The following SAFB variants were observed in gnomAD, a reference collection of about 807,000 sequenced individuals.
SAFB encodes the protein scaffold attachment factor B1.
SAFB carries 15 observed loss-of-function variants against 101.6 expected under a neutral mutation model. That is an observed-to-expected ratio of 0.15 (90% confidence interval 0.10 to 0.23). SAFB has a LOEUF of 0.23. Ranked by LOEUF, SAFB falls within the 10% of genes least tolerant of loss-of-function variation. The pLI is 1.00. For synonymous variants in SAFB, 449 were observed against 407.5 expected (o/e 1.10, Z -1.23); for missense variants, 930 against 1,104.1 (o/e 0.84, Z 2.23).
intron 16 of SAFB, 116 bp from the exon 17 acceptor site, chr19:5,664,281 G>A (rs570976431): frequency 1.7e-5 from 25 of 1,430,240 alleles, no homozygotes; most frequent in African/African-American, 2.8e-5. Context: ...AGTCAGACCC[G>A]CAGGTCTCCT....
chr19:5,666,902 T>C lies in SAFB; in HGVS notation c.2335-144T>C, dbSNP rs373662819. 183 of 744,100 alleles carry C rather than the reference T, an allele frequency of 2.5e-4. 1 individual carries two copies. The African/African-American group carries it at 2.9e-3, about 12-fold the overall frequency. The allele number at this position is 744,100 out of a possible 1,614,324, so 46.1% of individuals were successfully genotyped here. A position where few individuals can be genotyped will look rare whatever the true frequency, so the allele number is the denominator to read the frequency against. On this transcript the variant is annotated intron_variant, in intron 17 of 20. Coordinates refer to ENST00000588852, the MANE Select transcript of SAFB (RefSeq NM_001201338.2). Reference sequence around the variant, plus strand: ...GGCCTGCAGATTTCAGGAAGGCAGCTGTGTTGTGTGAACCGATACAGCCTG... The same window carrying C: ...GGCCTGCAGATTTCAGGAAGGCAGCCGTGTTGTGTGAACCGATACAGCCTG...
Position 5,661,594 on chromosome 19 carries a change from A to C in SAFB, c.1939A>C (p.Ile647Leu), listed in dbSNP as rs774854135. The change falls in exon 15 of 21, where the codon ATT (isoleucine) becomes CTT (leucine). Residue 647 changes from isoleucine (I) to leucine (L), a missense_variant. This residue lies in a region of SAFB where 159 missense variants were observed against 234.1 expected (regional missense o/e 0.68). Transcript: ENST00000588852. ...GCGCGAGGAGCGTGAGCGGCTGGAG[A>C]TTGCCCGAGAGAGGCTGGCCTTCCA... is the stretch of plus-strand genomic sequence containing the variant. ...WEREERERLE[I>L]ARERLAFQRQ... 2.5e-6 allele frequency: 4 copies of C among 1,612,594 alleles called. No individual in the cohort carries two copies. The highest frequency in any genetic ancestry group is 3.4e-6 in the Non-Finnish European group (4 of 1,179,816).
rs369929220 is a variant in SAFB, at chr19:5,641,712, A to G, written c.340-28A>G. On this transcript the variant is annotated intron_variant, in intron 3 of 20. Coordinates refer to ENST00000588852, the MANE Select transcript of SAFB (RefSeq NM_001201338.2). ...TGGTGGATGGACCAGTGGCGGTCAC[A>G]TGATGGTTCGGTCTGGTTGTGTCAC... 32 of 1,613,676 alleles carry G rather than the reference A, an allele frequency of 2.0e-5. No individual in the cohort carries two copies. In the African/African-American group the frequency reaches 3.9e-4, roughly 19 times the overall value.
intron 2 of SAFB, among the ~76,000 whole-genome samples, chr19:5,630,241 T>G (rs554805046): frequency 6.6e-6 from 1 of 152,218 alleles, no homozygotes; most frequent in African/African-American, 2.4e-5. Flanking sequence ...CTTCACAGAT[T>G]ATACTCTTCT....
intron 2 of SAFB, among the ~76,000 whole-genome samples, chr19:5,628,811 A>C (rs758912298): frequency 6.6e-6 from 1 of 152,252 alleles, no homozygotes; most frequent in Non-Finnish European, 1.5e-5. Flanking sequence ...CAAGGCAAAG[A>C]GTCCTGGAAA....
rs761264696 is a variant in SAFB, at chr19:5,667,138, G to A, written c.2427G>A (p.Glu809=). The change falls in exon 18 of 21, where the codon GAG becomes GAA. Residue 809 remains glutamate, a synonymous_variant. Coordinates refer to ENST00000588852, the MANE Select transcript of SAFB (RefSeq NM_001201338.2). This position sits in a 1 kb window ranked among gnomAD's most constrained non-coding sequence, Gnocchi z 4.0. The part of the protein sequence containing the change: ...GGYGSDKRMS[E]GRGLPPPPRG... ...ATGGCTCTGACAAGAGGATGAGCGAGGGCCGGGGGCTGCCTCCTCCCCCCA... is the reference window on the plus strand; with the variant it reads ...ATGGCTCTGACAAGAGGATGAGCGAAGGCCGGGGGCTGCCTCCTCCCCCCA... 7.5e-6 allele frequency: 12 copies of A among 1,607,342 alleles called. No individual in the cohort carries two copies. The South Asian group carries it at 9.9e-5, about 13-fold the overall frequency.
intron 1 of SAFB, 86 bp downstream of exon 1, chr19:5,623,480 C>T: frequency 1.6e-6 from 2 of 1,219,848 alleles, no homozygotes; most frequent in Non-Finnish European, 2.2e-6. Flanking sequence ...TGGCGTCCGC[C>T]CCCGGCCGCG....
intron 15 of SAFB, among the ~76,000 whole-genome samples, chr19:5,662,216 G>A (rs1195465911): frequency 6.6e-6 from 1 of 152,144 alleles, no homozygotes; most frequent in Non-Finnish European, 1.5e-5. Context: ...AGGAAGCATA[G>A]GCCGGGTGCG....
chr19:5,633,005 C>G (rs1166893900), intron 2 of SAFB, among the ~76,000 whole-genome samples: 1 of 152,224 alleles, frequency 6.6e-6, no homozygotes, highest in Admixed American at 6.5e-5. Flanking sequence ...GGTTTCTCCA[C>G]TGGAAAGTTA....
rs1381539748 is a variant in SAFB at position 5,664,012 on chromosome 19, C to T, written c.2154-10C>T. 6.2e-7 allele frequency: 1 copy of T among 1,612,912 alleles called. No homozygotes were observed. Among genetic ancestry groups the T allele is most frequent in the East Asian group, 2.2e-5 (1 of 44,886 alleles). On this transcript the variant is annotated splice_polypyrimidine_tract_variant and intron_variant, in intron 15 of 20. Transcript: ENST00000588852. Reference sequence around the variant, plus strand: ...GGATCCCTCTATCTCTGTCTCATGTCCCCTCACAGGCGAGATGATGCCTAT... The same window carrying T: ...GGATCCCTCTATCTCTGTCTCATGTTCCCTCACAGGCGAGATGATGCCTAT...
At chr19:5,656,616 G>A (rs959651821) in intron 13 of SAFB, among the ~76,000 whole-genome samples, 2 of 136,692 alleles carry the variant, frequency 1.5e-5, no homozygotes, top group South Asian at 2.2e-4. Context: ...TCGCTCTGTC[G>A]CCCACACTGG....
intron 9 of SAFB, 96 bp downstream of exon 9, chr19:5,651,168 A>G: frequency 1.4e-6 from 1 of 729,176 alleles, no homozygotes; most frequent in African/African-American, 1.8e-5. Flanking sequence ...TCTTTGAGAG[A>G]TACCAAGGAG....
chr19:5,644,940 C>T (rs903718108), intron 4 of SAFB, among the ~76,000 whole-genome samples: 8 of 152,322 alleles, frequency 5.3e-5, no homozygotes, highest in South Asian at 2.1e-4. Flanking sequence ...CCAGGCTGGG[C>T]GAGCAGCGGT....
chr19:5,650,037 T>C, intron 8 of SAFB, 62 bp downstream of exon 8: 1 of 1,305,938 alleles, frequency 7.7e-7, no homozygotes, highest in Non-Finnish European at 1.1e-6. Context: ...TGGCGGGTAT[T>C]TGATTCTGGT....
In SAFB at chr19:5,641,901, C is replaced by G; in HGVS notation, c.501C>G (p.Val167=). The G allele has an allele frequency of 6.2e-7, 1 of 1,614,030 alleles. No individual in the cohort carries two copies. The highest frequency in any genetic ancestry group is 8.5e-7 in the Non-Finnish European group (1 of 1,180,010). Residue 167 remains valine, a synonymous_variant, in exon 4 of 21, where the codon GTC becomes GTG. Transcript: ENST00000588852. ...QESLSDSREL[V]EGEMKELPEQ... Reference sequence around the variant, plus strand: ...CCCTGTCGGATAGTAGAGAGCTAGTCGAGGGGGAAATGAAAGAGCTTCCGG... The same window carrying G: ...CCCTGTCGGATAGTAGAGAGCTAGTGGAGGGGGAAATGAAAGAGCTTCCGG...
At chr19:5,654,951 C>G (rs1205144641) in intron 13 of SAFB, among the ~76,000 whole-genome samples, 1 of 152,234 alleles carries the variant, frequency 6.6e-6, no homozygotes, top group Non-Finnish European at 1.5e-5. Context: ...CTAAAGCTAA[C>G]TTTAAAATTT....
Position 5,623,106 on chromosome 19 carries a change from C to G in SAFB, c.-100C>G, listed in dbSNP as rs2145374987. ...GCAGAAGCGAGGCGCGCTGGGGCGA[C>G]TGGAGCGGTTCCCTCGCAGGCGGCG... On this transcript the variant is annotated 5_prime_UTR_variant, in exon 1 of 21. Transcript: ENST00000588852. 8.1e-7 allele frequency: 1 copy of G among 1,240,212 alleles called. No individual in the cohort carries two copies. Among genetic ancestry groups the G allele is most frequent in the East Asian group, 2.5e-5 (1 of 39,298 alleles). 76.8% of individuals were successfully genotyped at this position (1,240,212 alleles called of 1,614,324 possible).
intron 9 of SAFB, among the ~76,000 whole-genome samples, chr19:5,651,828 AC>A (rs1250483864): frequency 2.6e-5 from 4 of 152,200 alleles, no homozygotes; most frequent in Non-Finnish European, 5.9e-5. Context: ...TTTGTGTTAC[AC>A]AGTGAGGGTT....
intron 9 of SAFB, among the ~76,000 whole-genome samples, chr19:5,652,024 C>T (rs756597067): frequency 2.0e-5 from 3 of 152,036 alleles, no homozygotes; most frequent in Non-Finnish European, 2.9e-5. Context: ...TGAAGCCTGT[C>T]TCTGCTAAAA....
Sources: gnomAD v4.1 joint callset for allele counts (sites outside exome capture counted in the v4.1 genomes callset) on GRCh38, gnomAD v4.1.1 for gene constraint, gnomAD v4.1.1 regional missense constraint, Gnocchi (gnomAD v3.1) non-coding constraint, MANE v1.5 for transcripts, NCBI Gene and HGNC (gene_info 2026-07-23, HGNC 2026-07-21) for gene names.